SGCZ: variants seen among roughly 807,000 people sequenced by gnomAD.
SGCZ encodes zeta-sarcoglycan.
Under a neutral mutation model 41.3 loss-of-function variants are expected in SGCZ, and 40 were observed. That is an observed-to-expected ratio of 0.97 (90% CI 0.75 to 1.26). The LOEUF (loss-of-function observed/expected upper bound fraction) is 1.26, where lower values mean the gene tolerates loss of function less well. SGCZ is among the 50% of genes most tolerant of loss of function. SGCZ has a pLI of 0.00. For missense variants in SGCZ, 552 were observed against 369.8 expected (o/e 1.49, Z -4.04); for synonymous variants, 206 against 137.5 (o/e 1.50, Z -3.49).
chr8:14,980,245 C>T (rs7012024), intron 1 of SGCZ, among the ~76,000 whole-genome samples: 22,608 of 151,916 alleles, frequency 0.15, 1,877 homozygotes, highest in Admixed American at 0.24. Context: ...ATCCTAAGGA[C>T]GGAAATTGAG....
intron 1 of SGCZ, among the ~76,000 whole-genome samples, chr8:15,017,521 A>C (rs2130936833): frequency 6.6e-6 from 1 of 152,016 alleles, no homozygotes; most frequent in South Asian, 2.1e-4. Flanking sequence ...TTTTTTTTTG[A>C]GACAGGGTCT....
rs1170665411 is a variant in SGCZ, at chr8:14,784,969, TA to T, written c.40-230044del. On this transcript the variant is annotated intron_variant, in intron 1 of 7. Coordinates refer to ENST00000382080, the MANE Select transcript of SGCZ (RefSeq NM_139167.4). ...TATTTTTTATATTATATATATATAA[TA>T]TATATATTTTTTATATATTATATAT... is the stretch of plus-strand genomic sequence containing the variant. 4.3e-5 allele frequency among the ~76,000 whole-genome samples: 6 copies of T among 140,496 alleles called. No homozygotes were observed. In the Admixed American group the frequency reaches 4.4e-4, roughly 10 times the overall value. 92.2% of individuals were successfully genotyped at this position (140,496 alleles called of 152,430 possible).
intron 3 of SGCZ, among the ~76,000 whole-genome samples, chr8:14,253,062 A>G (rs1416113137): frequency 2.0e-5 from 3 of 152,168 alleles, no homozygotes; most frequent in Non-Finnish European, 4.4e-5. Context: ...ATTATTCATG[A>G]AAAATAAATA....
intron 2 of SGCZ, among the ~76,000 whole-genome samples, chr8:14,434,286 G>A (rs908147713): frequency 4.6e-5 from 7 of 152,064 alleles, no homozygotes; most frequent in African/African-American, 1.7e-4. Context: ...TAAGCATTTG[G>A]GTTTATTTCT....
At chr8:14,530,601 T>C (rs560452492) in intron 2 of SGCZ, among the ~76,000 whole-genome samples, 2 of 152,118 alleles carry the variant, frequency 1.3e-5, no homozygotes, top group Non-Finnish European at 2.9e-5. Flanking sequence ...CACTGTATGG[T>C]TCACTACTGA....
chr8:14,183,825 T>C (rs763251032), intron 4 of SGCZ, among the ~76,000 whole-genome samples: 1 of 152,072 alleles, frequency 6.6e-6, no homozygotes, highest in Non-Finnish European at 1.5e-5. Context: ...ACCAGAGGAA[T>C]AAAACTAGAA....
chr8:14,611,226 T>A (rs984657896), intron 1 of SGCZ, among the ~76,000 whole-genome samples: 1 of 152,170 alleles, frequency 6.6e-6, no homozygotes, highest in Non-Finnish European at 1.5e-5. Flanking sequence ...TCTATCCTTT[T>A]CAAATATCTT....
At chr8:14,672,560 A>G (rs576815572) in intron 1 of SGCZ, among the ~76,000 whole-genome samples, 3 of 152,324 alleles carry the variant, frequency 2.0e-5, no homozygotes, top group African/African-American at 7.2e-5. Flanking sequence ...GTAGCCACCT[A>G]CAGTAGGTGC....
intron 1 of SGCZ, among the ~76,000 whole-genome samples, chr8:14,667,387 G>A (rs1003237159): frequency 3.3e-5 from 5 of 152,056 alleles, no homozygotes; most frequent in African/African-American, 1.2e-4. Context: ...ATGCAGAACT[G>A]GAAAAATCCA....
chr8:14,430,536 G>A (rs1799914676), intron 2 of SGCZ, among the ~76,000 whole-genome samples: 1 of 152,026 alleles, frequency 6.6e-6, no homozygotes, highest in African/African-American at 2.4e-5. Context: ...GCATACAAGT[G>A]ACCTATTTCA....
At chr8:14,360,268 C>T (rs937688806) in intron 2 of SGCZ, among the ~76,000 whole-genome samples, 1 of 151,750 alleles carries the variant, frequency 6.6e-6, no homozygotes, top group Non-Finnish European at 1.5e-5. Context: ...CAAGAGCAAT[C>T]AGAAAAGAGA....
At chr8:14,441,756 T>C (rs1311318391) in intron 2 of SGCZ, among the ~76,000 whole-genome samples, 1 of 152,170 alleles carries the variant, frequency 6.6e-6, no homozygotes, top group Non-Finnish European at 1.5e-5. Flanking sequence ...CTTAAAACGG[T>C]ACATCATTTT....
At chr8:15,146,194 A>C (rs1390703684) in intron 1 of SGCZ, among the ~76,000 whole-genome samples, 1 of 152,200 alleles carries the variant, frequency 6.6e-6, no homozygotes, top group Non-Finnish European at 1.5e-5. Flanking sequence ...GTCATACAAA[A>C]AAAAGAAATA....
chr8:14,738,758 G>A (rs1016263808), intron 1 of SGCZ, among the ~76,000 whole-genome samples: 2 of 152,004 alleles, frequency 1.3e-5, no homozygotes, highest in Non-Finnish European at 2.9e-5. Flanking sequence ...TAAACTGCTT[G>A]CAAAAGAAGA....
At chr8:14,512,246 G>A (rs1802487735) in intron 2 of SGCZ, among the ~76,000 whole-genome samples, 1 of 152,112 alleles carries the variant, frequency 6.6e-6, no homozygotes, top group Non-Finnish European at 1.5e-5. Flanking sequence ...ATTAACATAA[G>A]CAGGTGGAAG....
chr8:14,449,938 A>C (rs1445145167), intron 2 of SGCZ, among the ~76,000 whole-genome samples: 1 of 152,042 alleles, frequency 6.6e-6, no homozygotes, highest in Non-Finnish European at 1.5e-5. Context: ...TTAACAATAT[A>C]GACAATATAA....
At chr8:14,219,458 T>C (rs1385000169) in intron 4 of SGCZ, among the ~76,000 whole-genome samples, 4 of 152,116 alleles carry the variant, frequency 2.6e-5, no homozygotes, top group African/African-American at 9.7e-5. Context: ...ACTTCAAAAG[T>C]TGAATGAGAA....
chr8:14,213,037 A>G (rs1231286724), intron 4 of SGCZ, among the ~76,000 whole-genome samples: 1 of 152,110 alleles, frequency 6.6e-6, no homozygotes, highest in African/African-American at 2.4e-5. Context: ...AAGAAAACTA[A>G]AAAAGTAAAT....
At chr8:14,832,508 CAG>C (rs1441443936) in intron 1 of SGCZ, among the ~76,000 whole-genome samples, 1 of 118,118 alleles carries the variant, frequency 8.5e-6, no homozygotes, top group African/African-American at 3.2e-5. Flanking sequence ...TTTTTTTTAA[CAG>C]GGTGAATCTT....
Sources: gnomAD v4.1 joint callset for allele counts (sites outside exome capture counted in the v4.1 genomes callset) on GRCh38, gnomAD v4.1.1 for gene constraint, MANE v1.5 for transcripts, NCBI Gene and HGNC (gene_info 2026-07-23, HGNC 2026-07-21) for gene names.